FCMR: variants seen among roughly 807,000 people sequenced by gnomAD.
The protein encoded by FCMR is Fc mu receptor.
In FCMR, 34 loss-of-function variants were observed where a neutral mutation model predicts 41.6. That is an observed-to-expected ratio of 0.82 (90% CI 0.62 to 1.09). FCMR has a LOEUF of 1.09. Among genes scored for constraint, FCMR ranks in the 50% least tolerant of loss-of-function variants. FCMR has a pLI of 0.00. For synonymous variants in FCMR, 209 were observed against 211.8 expected, an observed-to-expected ratio of 0.99 and a Z score of 0.12; for missense variants, 496 against 512.5, an observed-to-expected ratio of 0.97 and a Z score of 0.31.
Position 206,909,907 on chromosome 1 carries a change from A to C in FCMR, c.842-39T>G. The C allele has an allele frequency of 7.3e-7, 1 of 1,370,676 alleles. No homozygotes were observed. Among genetic ancestry groups the C allele is most frequent in the Non-Finnish European group, 9.4e-7 (1 of 1,063,594 alleles). 84.9% of individuals were successfully genotyped at this position (1,370,676 alleles called of 1,614,324 possible). The stretch of plus-strand genomic sequence containing the variant: ...CCACGGGAAGAGGGAGGAAAATGGC[A>C]TCAGAGGCCCGTGCCACCCTCCCCA... On this transcript the variant is annotated intron_variant, in intron 5 of 7. Coordinates refer to ENST00000367091, the MANE Select transcript of FCMR (RefSeq NM_005449.5). This position sits in a 1 kb window ranked among gnomAD's most constrained non-coding sequence, Gnocchi z 5.0.
At chr1:206,907,878 G>A in intron 7 of FCMR, 1 of 1,315,572 alleles carries the variant, frequency 7.6e-7, no homozygotes, top group Non-Finnish European at 1.1e-6. Flanking sequence ...TACGAGGCTT[G>A]CTGCCCCAAG....
chr1:206,914,196 C>T (rs1020042403), intron 1 of FCMR, 102 bp from the exon 2 acceptor site: 3 of 857,750 alleles, frequency 3.5e-6, no homozygotes, highest in Admixed American at 2.2e-5. Context: ...CTAGCCCAGG[C>T]CCCAGCCCAA....
intron 1 of FCMR, among the ~76,000 whole-genome samples, chr1:206,914,767 C>A (rs1041835920): frequency 6.6e-6 from 1 of 152,114 alleles, no homozygotes; most frequent in South Asian, 2.1e-4. Context: ...CAGCCTCATC[C>A]CATCCCCAAC....
chr1:206,907,577 G>T, intron 7 of FCMR: 3 of 623,814 alleles, frequency 4.8e-6, no homozygotes, highest in South Asian at 4.4e-5. Context: ...GTCTACATGC[G>T]AATTAAACAA....
intron 3 of FCMR, 46 bp from the exon 4 acceptor site, chr1:206,911,998 A>G (rs370082138): frequency 7.0e-6 from 10 of 1,431,688 alleles, no homozygotes; most frequent in African/African-American, 4.2e-5. Flanking sequence ...TATACACTCT[A>G]TTCTCCAACA....
intron 1 of FCMR, 62 bp downstream of exon 1, chr1:206,921,756 T>C: frequency 6.8e-7 from 1 of 1,466,724 alleles, no homozygotes; most frequent in Non-Finnish European, 9.6e-7. Context: ...CAGGCAATTA[T>C]TCTACTTGTG....
At position 206,909,410 on chromosome 1, in the gene FCMR, G is replaced by A. The variant is rs566209487; in HGVS notation, c.1044+52C>T. ...CACACTCGGGTCCCCGCCCAGGGCT[G>A]GGGCCGCCCAGTCGGGCCGCGGCTG... On this transcript the variant is annotated intron_variant, in intron 7 of 7. Coordinates refer to ENST00000367091, the MANE Select transcript of FCMR (RefSeq NM_005449.5). The surrounding 1 kb of genome is among the most constrained non-coding windows in gnomAD (Gnocchi z 5.0). 7.4e-4 allele frequency: 847 copies of A among 1,140,720 alleles called. 22 individuals are homozygous for A. The Admixed American group carries it at 0.031, about 42-fold the overall frequency. 70.7% of individuals were successfully genotyped at this position (1,140,720 alleles called of 1,614,324 possible). A position where few individuals can be genotyped will look rare whatever the true frequency, so the allele number is the denominator to read the frequency against.
At chr1:206,921,427 T>C in intron 1 of FCMR, 1 of 434,658 alleles carries the variant, frequency 2.3e-6, no homozygotes, top group Non-Finnish European at 4.6e-6. Flanking sequence ...ACAGCAAGAC[T>C]CCATCTCTAC....
chr1:206,910,314 C>A lies in FCMR; in HGVS notation c.737G>T (p.Gly246Val). ...GATGTGAAATCCTTGGCCTTCCCTC[C>A]CAGACTGTGAGCCATAGTCCAGTGC... The part of the protein sequence containing the change: ...QRALDYGSQS[G>V]REGQGFHILI... The change falls in exon 5 of 8, where the codon GGG becomes GTG. Residue 246 changes from glycine to valine, a missense_variant. Coordinates refer to ENST00000367091, the MANE Select transcript of FCMR (RefSeq NM_005449.5). 1.3e-6 allele frequency: 2 copies of A among 1,571,050 alleles called. No individual in the cohort carries two copies. Among genetic ancestry groups the A allele is most frequent in the Admixed American group, 1.9e-5 (1 of 53,538 alleles).
chr1:206,909,571 C>T lies in FCMR; in HGVS notation c.986-51G>A. On this transcript the variant is annotated intron_variant, in intron 6 of 7. Coordinates refer to ENST00000367091, the MANE Select transcript of FCMR (RefSeq NM_005449.5). The surrounding 1 kb of genome is among the most constrained non-coding windows in gnomAD (Gnocchi z 5.0). ...GGCGGCGGCCGAGGCTCCCGCCCCA[C>T]CGTCATGCTACTACTCCCAGCTCCA... 1.6e-6 allele frequency: 2 copies of T among 1,285,026 alleles called. No individual in the cohort carries two copies. The highest frequency in any genetic ancestry group is 2.0e-6 in the Non-Finnish European group (2 of 1,004,706). The allele number at this position is 1,285,026 out of a possible 1,614,324, so 79.6% of individuals were successfully genotyped here. A position where few individuals can be genotyped will look rare whatever the true frequency, so the allele number is the denominator to read the frequency against.
At chr1:206,917,734 C>T (rs899172919) in intron 1 of FCMR, 41 of 441,042 alleles carry the variant, frequency 9.3e-5, no homozygotes, top group Admixed American at 2.5e-5. Context: ...TCAATTGAGG[C>T]TCCCACTTCA....
At chr1:206,922,059 G>C, upstream of FCMR, 1 of 603,388 alleles carries the variant, frequency 1.7e-6, no homozygotes, top group Non-Finnish European at 3.0e-6. Context: ...ACAAACCACA[G>C]CGGAAGTCAG....
chr1:206,918,182 C>T (rs987747554), intron 1 of FCMR, among the ~76,000 whole-genome samples: 1 of 152,164 alleles, frequency 6.6e-6, no homozygotes, highest in Non-Finnish European at 1.5e-5. Context: ...CTCTCAGCAG[C>T]GGTTGACAGA....
rs1199975719 is a variant in FCMR, at chr1:206,905,043, A to T, written c.1149T>A (p.Asp383Glu). 3 of 1,614,036 alleles carry T rather than the reference A, an allele frequency of 1.9e-6. No homozygotes were observed. The highest frequency in any genetic ancestry group is 2.5e-6 in the Non-Finnish European group (3 of 1,180,010). The change falls in exon 8 of 8, where the codon GAT (aspartate) becomes GAA (glutamate). Residue 383 changes from aspartate (D) to glutamate (E), a missense_variant. Physicochemically the swap from Asp to Glu is conservative, Grantham distance 45 (BLOSUM62 2). Coordinates refer to ENST00000367091, the MANE Select transcript of FCMR (RefSeq NM_005449.5). ...GTCAGGCAGGAACATTGATGTAGTC[A>T]TCTGAATCACTGTCCTCCATCATGG... ...PAAMMEDSDS[D>E]DYINVPA
At chr1:206,922,131 A>C, upstream of FCMR, 1 of 506,268 alleles carries the variant, frequency 2.0e-6, no homozygotes, top group Non-Finnish European at 3.6e-6. Flanking sequence ...GGCATCTAAG[A>C]AGTTCCTCCA....
intron 1 of FCMR, among the ~76,000 whole-genome samples, chr1:206,914,315 TTCCTTCCTTCCTTCCTTCC>T (rs1330585407): frequency 1.4e-4 from 1 of 7,054 alleles, no homozygotes; most frequent in East Asian, 1.7e-3. Flanking sequence ...TTTTCTTTCC[TTCCTTCCTTCCTTCCTTCC>T]TTCCTTCCTT....
In FCMR at chr1:206,905,064, C is replaced by T; in HGVS notation, c.1128G>A (p.Met376Ile). ...YVSLYHQPAAMMEDSDSDDYI... is the reference protein window; with the variant it reads ...YVSLYHQPAAIMEDSDSDDYI... Reference sequence around the variant, plus strand: ...AGTCATCTGAATCACTGTCCTCCATCATGGCGGCAGGCTGGTGGTAGAGGC... The same window carrying T: ...AGTCATCTGAATCACTGTCCTCCATTATGGCGGCAGGCTGGTGGTAGAGGC... The change falls in exon 8 of 8, where the codon ATG becomes ATA. Residue 376 changes from methionine (M) to isoleucine (I), a missense_variant. Coordinates refer to ENST00000367091, the MANE Select transcript of FCMR (RefSeq NM_005449.5). 1 of 1,614,142 alleles carries T rather than the reference C, an allele frequency of 6.2e-7. No individual in the cohort carries two copies. The highest frequency in any genetic ancestry group is 8.5e-7 in the Non-Finnish European group (1 of 1,180,000).
At position 206,914,054 on chromosome 1, in the gene FCMR, C is replaced by T. The variant is rs754442724; in HGVS notation, c.78G>A (p.Glu26=). ...TGGTAACTGATCCGCCCAGCTCCCC[C>T]TCTACCTTTACTTCTGGGAGGATCC... ...ALRILPEVKV[E]GELGGSVTIK... The change falls in exon 2 of 8, where the codon GAG becomes GAA. Residue 26 remains glutamate (E), a synonymous_variant. Transcript: ENST00000367091. 1.2e-6 allele frequency: 2 copies of T among 1,614,074 alleles called. No homozygotes were observed. Among genetic ancestry groups the T allele is most frequent in the East Asian group, 2.2e-5 (1 of 44,898 alleles).
Position 206,904,985 on chromosome 1 carries a change from C to T in FCMR, c.*34G>A. 2 of 1,612,272 alleles carry T rather than the reference C, an allele frequency of 1.2e-6. No homozygotes were observed. The highest frequency in any genetic ancestry group is 8.5e-7 in the Non-Finnish European group (1 of 1,179,262). Reference sequence around the variant, plus strand: ...AGATGAGACTCCTTGGCACCACAGTCCGAGCCTGGGGTTGGGGGATAGCTG... The same window carrying T: ...AGATGAGACTCCTTGGCACCACAGTTCGAGCCTGGGGTTGGGGGATAGCTG... On this transcript the variant is annotated 3_prime_UTR_variant, in exon 8 of 8. Coordinates refer to ENST00000367091, the MANE Select transcript of FCMR (RefSeq NM_005449.5).
Sources: allele counts gnomAD v4.1 joint callset (sites outside exome capture counted in the v4.1 genomes callset), GRCh38; gene constraint gnomAD v4.1.1; non-coding constraint Gnocchi (gnomAD v3.1); transcripts MANE v1.5; gene names NCBI Gene and HGNC (gene_info 2026-07-23, HGNC 2026-07-21).